The following DRC4 variants were observed in gnomAD, a reference collection of about 807,000 sequenced individuals.
The protein encoded by DRC4 is dynein regulatory complex subunit 4.
At chr16:90,036,591 T>C in the DRC4 span, 2 of 1,566,328 alleles carry the variant, frequency 1.3e-6, no homozygotes, top group Non-Finnish European at 1.7e-6. Context: ...CTCAAGGTGC[T>C]GTGCGTGGGC....
the DRC4 span, among the ~76,000 whole-genome samples, chr16:90,034,639 C>T: frequency 2.6e-5 from 4 of 151,974 alleles, no homozygotes; most frequent in Non-Finnish European, 5.9e-5. Flanking sequence ...AGAAAAATTA[C>T]TGCTTTAAAA....
the DRC4 span, among the ~76,000 whole-genome samples, chr16:90,041,772 C>T: frequency 2.6e-5 from 4 of 152,052 alleles, no homozygotes; most frequent in Non-Finnish European, 4.4e-5. Context: ...GCACTCCAGC[C>T]TGGGCAACGG....
the DRC4 span, chr16:90,036,381 A>T: frequency 3.1e-5 from 49 of 1,597,496 alleles, no homozygotes. Flanking sequence ...TGCCTTTCAG[A>T]AATTGAGGCC....
At chr16:90,027,008 G>A in the DRC4 span, among the ~76,000 whole-genome samples, 1 of 151,842 alleles carries the variant, frequency 6.6e-6, no homozygotes, top group Admixed American at 6.6e-5. Flanking sequence ...TGCCTCCCGG[G>A]TTCAAGCGAT....
At chr16:90,036,437 C>A in the DRC4 span, 2 of 1,613,012 alleles carry the variant, frequency 1.2e-6, no homozygotes, top group Middle Eastern at 1.7e-4. Flanking sequence ...ACTCGACTTG[C>A]GGAGAAAGAC....
the DRC4 span, chr16:90,029,894 C>A: frequency 3.8e-5 from 6 of 156,330 alleles, no homozygotes; most frequent in African/African-American, 1.4e-4. Flanking sequence ...GTAGCTGGGA[C>A]TGCAGGTGCC....
chr16:90,031,663 G>C, the DRC4 span, among the ~76,000 whole-genome samples: 1 of 152,132 alleles, frequency 6.6e-6, no homozygotes, highest in Non-Finnish European at 1.5e-5. Context: ...AGGTCCTGAG[G>C]GTTTAAAATG....
chr16:90,042,278 T>C, the DRC4 span: 1 of 639,772 alleles, frequency 1.6e-6, no homozygotes, highest in Non-Finnish European at 2.9e-6. Flanking sequence ...CTCCCAGTTC[T>C]CTGCTTCTTC....
the DRC4 span, chr16:90,035,701 G>C: frequency 6.2e-7 from 1 of 1,614,174 alleles, no homozygotes; most frequent in Non-Finnish European, 8.5e-7. Flanking sequence ...AGTTTCCCGT[G>C]TGCTCATTGT....
At chr16:90,030,708 C>G in the DRC4 span, among the ~76,000 whole-genome samples, 5 of 152,096 alleles carry the variant, frequency 3.3e-5, no homozygotes, top group South Asian at 1.0e-3. Context: ...CCTCAACCCC[C>G]TGAGCTTGAG....
the DRC4 span, among the ~76,000 whole-genome samples, chr16:90,026,851 G>A: frequency 2.7e-5 from 4 of 146,816 alleles, no homozygotes; most frequent in East Asian, 2.0e-4. Context: ...CCTGGTCACC[G>A]TATACCAAGG....
chr16:90,041,408 C>T, the DRC4 span, among the ~76,000 whole-genome samples: 3 of 152,206 alleles, frequency 2.0e-5, no homozygotes, highest in Non-Finnish European at 4.4e-5. Flanking sequence ...CCAGCAGTGC[C>T]CCACAGGCAG....
At chr16:90,040,985 C>G in the DRC4 span, among the ~76,000 whole-genome samples, 1 of 152,134 alleles carries the variant, frequency 6.6e-6, no homozygotes, top group Non-Finnish European at 1.5e-5. Flanking sequence ...GCCAGAGGCA[C>G]TGTGGCCCCG....
chr16:90,026,370 G>A, the DRC4 span, among the ~76,000 whole-genome samples: 6 of 152,260 alleles, frequency 3.9e-5, no homozygotes, highest in African/African-American at 9.6e-5. Flanking sequence ...GTGCAGTTCC[G>A]TCTGGCAGCC....
chr16:90,021,436 G>GGA, the DRC4 span, among the ~76,000 whole-genome samples: 2 of 151,648 alleles, frequency 1.3e-5, no homozygotes, highest in Admixed American at 6.6e-5. Context: ...TTTTGAGACA[G>GGA]GGTCTCAGGT....
At chr16:90,037,166 A>G in the DRC4 span, 13 of 1,488,654 alleles carry the variant, frequency 8.7e-6, no homozygotes, top group Non-Finnish European at 1.1e-5. Flanking sequence ...AGCTCTCACC[A>G]TGCAGGCCAC....
At chr16:90,027,687 G>A in the DRC4 span, 13 of 1,614,010 alleles carry the variant, frequency 8.1e-6, no homozygotes, top group South Asian at 3.3e-5. Flanking sequence ...CCCGATTGTC[G>A]ATGGGCTCGC....
chr16:90,027,761 G>C, the DRC4 span: 1 of 1,567,678 alleles, frequency 6.4e-7, no homozygotes, highest in Non-Finnish European at 8.8e-7. Flanking sequence ...CCGGGTGGGC[G>C]TGGGCGGGCA....
chr16:90,020,161 G>GTACT, the DRC4 span: 2 of 536,038 alleles, frequency 3.7e-6, no homozygotes, highest in Non-Finnish European at 6.6e-6. Flanking sequence ...GCATTTGTAA[G>GTACT]TACTTCAATA....
Sources: allele counts gnomAD v4.1 joint callset (sites outside exome capture counted in the v4.1 genomes callset), GRCh38; gene constraint gnomAD v4.1.1; transcripts MANE v1.5; gene names NCBI Gene and HGNC (gene_info 2026-07-23, HGNC 2026-07-21).